The following ANTXR2 variants were observed in gnomAD, a reference collection of about 807,000 sequenced individuals.
The protein encoded by ANTXR2 is anthrax toxin receptor 2.
ANTXR2 carries 44 observed loss-of-function variants against 73.7 expected under a neutral mutation model. The ratio of observed to expected loss-of-function variants is 0.60; its 90% CI spans 0.47 to 0.77. ANTXR2 has a LOEUF of 0.77. Ranked by LOEUF, ANTXR2 falls within the 30% of genes least tolerant of loss-of-function variation. The pLI is 0.00. For missense variants in ANTXR2, 604 were observed against 592.5 expected, an observed-to-expected ratio of 1.02 and a Z score of -0.20; for synonymous variants, 217 against 205.9, an observed-to-expected ratio of 1.05 and a Z score of -0.46.
At chr4:79,960,352 C>T (rs968359413) in intron 16 of ANTXR2, among the ~76,000 whole-genome samples, 12 of 152,036 alleles carry the variant, frequency 7.9e-5, no homozygotes, top group Non-Finnish European at 1.5e-4. Context: ...TACTAACCTG[C>T]TTACTAAGAA....
At chr4:79,931,335 A>G (rs767329705) in intron 16 of ANTXR2, among the ~76,000 whole-genome samples, 1 of 152,204 alleles carries the variant, frequency 6.6e-6, no homozygotes, top group African/African-American at 2.4e-5. Context: ...TAGCTTTATA[A>G]GGGTTTAAGT....
At chr4:79,978,212 AG>A (rs1729726389) in intron 14 of ANTXR2, 38 bp from the exon 15 acceptor site, 2 of 1,592,226 alleles carry the variant, frequency 1.3e-6, no homozygotes, top group Non-Finnish European at 8.6e-7. Context: ...TCAGACATAA[AG>A]TGTCCTAGAG....
chr4:79,952,937 T>A (rs1728758888), intron 16 of ANTXR2, among the ~76,000 whole-genome samples: 1 of 152,204 alleles, frequency 6.6e-6, no homozygotes, highest in East Asian at 1.9e-4. Context: ...AGCAAAATAT[T>A]ATATAATATT....
intron 16 of ANTXR2, among the ~76,000 whole-genome samples, chr4:79,961,079 T>C (rs1055486138): frequency 7.2e-5 from 11 of 152,074 alleles, no homozygotes; most frequent in Non-Finnish European, 1.5e-4. Context: ...TCTATTTAAG[T>C]AACAAACTGT....
intron 16 of ANTXR2, among the ~76,000 whole-genome samples, chr4:79,926,204 A>G (rs1415056520): frequency 1.3e-5 from 2 of 152,126 alleles, no homozygotes; most frequent in Admixed American, 1.3e-4. Flanking sequence ...TTAACACCCT[A>G]TATTTGGTTC....
chr4:79,951,872 A>G (rs543200577), intron 16 of ANTXR2, among the ~76,000 whole-genome samples: 1 of 152,230 alleles, frequency 6.6e-6, no homozygotes, highest in East Asian at 1.9e-4. Context: ...TAATTAGGCA[A>G]CACTTTTGTG....
chr4:79,994,316 T>G (rs1477254071), intron 12 of ANTXR2, among the ~76,000 whole-genome samples: 2 of 152,022 alleles, frequency 1.3e-5, no homozygotes, highest in African/African-American at 4.8e-5. Context: ...ATGTTCAAAT[T>G]TGACTCAATA....
At chr4:79,979,432 A>G (rs1183581710) in intron 14 of ANTXR2, among the ~76,000 whole-genome samples, 4 of 152,204 alleles carry the variant, frequency 2.6e-5, no homozygotes, top group Non-Finnish European at 5.9e-5. Flanking sequence ...GACTTCCTAA[A>G]GCATTTTAAT....
chr4:79,951,579 AAAC>A lies in ANTXR2; in HGVS notation c.1428+26039_1428+26041del, dbSNP rs555282282. On this transcript the variant is annotated intron_variant, in intron 16 of 16. Transcript: ENST00000403729. ...GGACAGAGAGAGACTCTATCTCAAA[AAAC>A]AACAACAACAAAAAAAAAAAAACAA... 3.0e-3 allele frequency among the ~76,000 whole-genome samples: 371 copies of A among 123,362 alleles called. 1 individual carries two copies. The highest frequency in any genetic ancestry group is 0.021 in the East Asian group (103 of 4,848). 80.9% of individuals were successfully genotyped at this position (123,362 alleles called of 152,430 possible). A position where few individuals can be genotyped will look rare whatever the true frequency, so the allele number is the denominator to read the frequency against.
intron 16 of ANTXR2, among the ~76,000 whole-genome samples, chr4:79,928,589 T>C (rs1727922081): frequency 6.6e-6 from 1 of 152,138 alleles, no homozygotes; most frequent in Admixed American, 6.5e-5. Context: ...TTATCATAAT[T>C]CATAAAATGG....
At chr4:80,040,155 G>A (rs1202717505) in intron 7 of ANTXR2, among the ~76,000 whole-genome samples, 1 of 151,792 alleles carries the variant, frequency 6.6e-6, no homozygotes, top group Non-Finnish European at 1.5e-5. Flanking sequence ...TGAAAAACCA[G>A]CTATTGGGTA....
At chr4:79,991,467 G>C (rs1175481324) in intron 12 of ANTXR2, among the ~76,000 whole-genome samples, 1 of 152,048 alleles carries the variant, frequency 6.6e-6, no homozygotes, top group African/African-American at 2.4e-5. Context: ...GAGTTAGCAA[G>C]GCTGTAGAGA....
At chr4:79,975,678 A>C (rs1158713785) in intron 16 of ANTXR2, among the ~76,000 whole-genome samples, 3 of 152,176 alleles carry the variant, frequency 2.0e-5, no homozygotes, top group Non-Finnish European at 4.4e-5. Flanking sequence ...AAATACATGA[A>C]GTTAAAGTCT....
chr4:79,913,500 T>G (rs1727225407), intron 16 of ANTXR2, among the ~76,000 whole-genome samples: 1 of 152,172 alleles, frequency 6.6e-6, no homozygotes, highest in African/African-American at 2.4e-5. Context: ...TTCATTACAT[T>G]GAAATAAATA....
Position 80,031,693 on chromosome 4 carries a change from C to G in ANTXR2, c.797-1G>C, listed in dbSNP as rs1455752713. The G allele has an allele frequency of 6.8e-7, 1 of 1,464,798 alleles. No homozygotes were observed. Among genetic ancestry groups the G allele is most frequent in the East Asian group, 2.7e-5 (1 of 37,326 alleles). 90.7% of individuals were successfully genotyped at this position (1,464,798 alleles called of 1,614,324 possible). A position where few individuals can be genotyped will look rare whatever the true frequency, so the allele number is the denominator to read the frequency against. On this transcript the variant is annotated splice_acceptor_variant, in intron 9 of 16. Transcript: ENST00000403729. LOFTEE classifies it high-confidence loss of function. ...AGCTGTACACTTACTGGTTTTACAC[C>G]TAGAAAATAAAATGCCACTGAATTA...
rs576196788 is a variant in ANTXR2 at position 80,031,665 on chromosome 4, T to C, written c.824A>G (p.Asn275Ser). The C allele has an allele frequency of 4.1e-5, 63 of 1,529,514 alleles. 1 individual carries two copies. In the East Asian group the frequency reaches 5.7e-4, roughly 14 times the overall value. 94.7% of individuals were successfully genotyped at this position (1,529,514 alleles called of 1,614,324 possible). The change falls in exon 10 of 17, where the codon AAT becomes AGT. Residue 275 changes from asparagine (N) to serine (S), a missense_variant. Asn to Ser is a conservative substitution (Grantham distance 46). Transcript: ENST00000403729. ...TSVKPVSVQL[N>S]SMLCPAPILN... ...GATAGGTGCAGGACAAAGCATAGAA[T>C]TAAGCTGTACACTTACTGGTTTTAC...
At chr4:80,020,242 C>T (rs912687423) in intron 10 of ANTXR2, among the ~76,000 whole-genome samples, 6 of 151,958 alleles carry the variant, frequency 3.9e-5, no homozygotes, top group Admixed American at 1.3e-4. Flanking sequence ...AATAATTAGC[C>T]GGGCATGGTG....
At chr4:79,934,937 T>A (rs1394206175) in intron 16 of ANTXR2, among the ~76,000 whole-genome samples, 2 of 152,108 alleles carry the variant, frequency 1.3e-5, no homozygotes, top group African/African-American at 2.4e-5. Flanking sequence ...GAACTGACTT[T>A]GGGCCTTCTG....
chr4:80,052,215 C>A (rs1178669617), intron 7 of ANTXR2, among the ~76,000 whole-genome samples: 2 of 151,578 alleles, frequency 1.3e-5, no homozygotes, highest in African/African-American at 4.8e-5. Context: ...AGTATAGTCT[C>A]TTCTATCTCT....
Sources: gnomAD v4.1 joint callset for allele counts (sites outside exome capture counted in the v4.1 genomes callset) on GRCh38, gnomAD v4.1.1 for gene constraint, MANE v1.5 for transcripts, NCBI Gene and HGNC (gene_info 2026-07-23, HGNC 2026-07-21) for gene names.